NEO1: variants seen among roughly 807,000 people sequenced by gnomAD.
The protein encoded by NEO1 is neogenin.
Under a neutral mutation model 159.7 loss-of-function variants are expected in NEO1, and 63 were observed. The observed-to-expected ratio is 0.39, with a 90% CI of 0.32 to 0.49. NEO1 has a LOEUF of 0.49. Among genes scored for constraint, NEO1 ranks in the 20% least tolerant of loss-of-function variants. NEO1 has a pLI of 0.85. For missense variants in NEO1, 1,615 were observed against 1,831.0 expected (o/e 0.88, Z 2.15); for synonymous variants, 633 against 662.0 (o/e 0.96, Z 0.67).
At chr15:73,191,940 A>G (rs1596307506) in intron 7 of NEO1, among the ~76,000 whole-genome samples, 1 of 152,142 alleles carries the variant, frequency 6.6e-6, no homozygotes, top group East Asian at 1.9e-4. Context: ...TTGTTGAGCA[A>G]AATTCTATAT....
chr15:73,090,955 G>T (rs982319430), intron 1 of NEO1, among the ~76,000 whole-genome samples: 1 of 152,108 alleles, frequency 6.6e-6, no homozygotes, highest in Admixed American at 6.5e-5. Context: ...TTGCGTTATT[G>T]AGGCAGTTAC....
chr15:73,080,182 T>C (rs2068968777), intron 1 of NEO1, among the ~76,000 whole-genome samples: 1 of 152,196 alleles, frequency 6.6e-6, no homozygotes. Context: ...TTTTTTCTTC[T>C]CTGTGCTTTG....
chr15:73,179,490 C>T (rs2035476433), intron 7 of NEO1, among the ~76,000 whole-genome samples: 1 of 152,144 alleles, frequency 6.6e-6, no homozygotes, highest in East Asian at 1.9e-4. Flanking sequence ...ACAAAACCAC[C>T]CAGTGGATCA....
rs1366821292 is a variant in NEO1, at chr15:73,197,861, A to G, written c.1291+19434A>G. ...ATGCCTGGCTAATTTTTGTATTTTT[A>G]GTAGACACAGGGTTTTACAATGTTG... On this transcript the variant is annotated intron_variant, in intron 7 of 28. Coordinates refer to ENST00000261908, the MANE Select transcript of NEO1 (RefSeq NM_002499.4). 4.0e-5 allele frequency among the ~76,000 whole-genome samples: 6 copies of G among 151,760 alleles called. No homozygotes were observed. The East Asian group carries it at 9.7e-4, about 24-fold the overall frequency.
intron 2 of NEO1, among the ~76,000 whole-genome samples, chr15:73,119,912 G>A (rs1289656520): frequency 6.6e-6 from 1 of 152,142 alleles, no homozygotes; most frequent in African/African-American, 2.4e-5. Context: ...CAAGACGGGC[G>A]GATCACCTGA....
intron 7 of NEO1, among the ~76,000 whole-genome samples, chr15:73,206,382 C>T (rs553676259): frequency 4.1e-4 from 63 of 152,218 alleles, no homozygotes; most frequent in African/African-American, 1.3e-3. Context: ...GCTTTCTATA[C>T]ATATTTGCCT....
At chr15:73,204,054 A>G (rs1418361809) in intron 7 of NEO1, among the ~76,000 whole-genome samples, 1 of 151,818 alleles carries the variant, frequency 6.6e-6, no homozygotes, top group Non-Finnish European at 1.5e-5. Context: ...TTTGTCTGAG[A>G]AAGTTTTTAT....
intron 25 of NEO1, among the ~76,000 whole-genome samples, chr15:73,290,353 G>A (rs568669602): frequency 1.4e-5 from 2 of 143,654 alleles, no homozygotes; most frequent in East Asian, 4.3e-4. Flanking sequence ...CAATTCTCCT[G>A]CCTCGGCCTC....
At chr15:73,053,550 T>A (rs994701412) in intron 1 of NEO1, among the ~76,000 whole-genome samples, 1 of 152,226 alleles carries the variant, frequency 6.6e-6, no homozygotes, top group African/African-American at 2.4e-5. Context: ...TTTAGGTACT[T>A]GTACAATGTT....
At chr15:73,127,649 G>A (rs1367720268) in intron 4 of NEO1, among the ~76,000 whole-genome samples, 2 of 152,178 alleles carry the variant, frequency 1.3e-5, no homozygotes, top group Non-Finnish European at 2.9e-5. Flanking sequence ...AGCCACACAT[G>A]TAATTTAAAA....
At chr15:73,290,831 G>A (rs539888065) in intron 25 of NEO1, among the ~76,000 whole-genome samples, 7 of 152,166 alleles carry the variant, frequency 4.6e-5, no homozygotes, top group African/African-American at 1.4e-4. Flanking sequence ...TACATGCAAC[G>A]AGGTACACCA....
intron 7 of NEO1, among the ~76,000 whole-genome samples, chr15:73,233,645 C>T: frequency 6.6e-6 from 1 of 152,028 alleles, no homozygotes; most frequent in East Asian, 1.9e-4. Flanking sequence ...GTGCTGGATG[C>T]CGTTAAAGAG....
intron 7 of NEO1, among the ~76,000 whole-genome samples, chr15:73,193,384 GT>G (rs1045654533): frequency 6.6e-6 from 1 of 151,912 alleles, no homozygotes; most frequent in African/African-American, 2.4e-5. Flanking sequence ...AAAATAACTA[GT>G]TGGCATCAGA....
At chr15:73,204,019 T>A (rs1012499861) in intron 7 of NEO1, among the ~76,000 whole-genome samples, 1 of 152,114 alleles carries the variant, frequency 6.6e-6, no homozygotes, top group Non-Finnish European at 1.5e-5. Context: ...GCAAATTATC[T>A]GCTGATTGAT....
intron 1 of NEO1, among the ~76,000 whole-genome samples, chr15:73,067,819 T>A (rs963419531): frequency 1.3e-5 from 2 of 152,030 alleles, no homozygotes; most frequent in African/African-American, 4.8e-5. Context: ...GGTTTCACTG[T>A]GTTAGCTAGG....
At chr15:73,206,801 G>A (rs1004842584) in intron 7 of NEO1, among the ~76,000 whole-genome samples, 5 of 150,822 alleles carry the variant, frequency 3.3e-5, no homozygotes, top group African/African-American at 1.2e-4. Context: ...TTTTAAGAAT[G>A]GCATTTTCTT....
chr15:73,069,125 A>ATTTTTTTTTTT (rs962027800), intron 1 of NEO1, among the ~76,000 whole-genome samples: 13 of 105,418 alleles, frequency 1.2e-4, no homozygotes, highest in South Asian at 2.7e-4. Flanking sequence ...TAATTTTTGT[A>ATTTTTTTTTTT]TTTTTTTTTT....
At chr15:73,250,912 A>G (rs1209785030) in intron 11 of NEO1, among the ~76,000 whole-genome samples, 1 of 152,166 alleles carries the variant, frequency 6.6e-6, no homozygotes, top group Non-Finnish European at 1.5e-5. Context: ...ATTAGATAAT[A>G]TTTTTGTGTT....
In NEO1 at chr15:73,257,968, C is replaced by G. The variant is rs548900845; in HGVS notation, c.2093-798C>G. Among the ~76,000 whole-genome samples, 27 of 152,286 alleles carry G rather than the reference C, an allele frequency of 1.8e-4. No individual in the cohort carries two copies. The South Asian group carries it at 4.8e-3, about 27-fold the overall frequency. ...CTTGCTCCTTGCTTTGTGGGGCACA[C>G]AGATGTCAGGATGGGCCTACCAACT... On this transcript the variant is annotated intron_variant, in intron 13 of 28. Coordinates refer to ENST00000261908, the MANE Select transcript of NEO1 (RefSeq NM_002499.4).
Sources: gnomAD v4.1 joint callset for allele counts (sites outside exome capture counted in the v4.1 genomes callset) on GRCh38, gnomAD v4.1.1 for gene constraint, MANE v1.5 for transcripts, NCBI Gene and HGNC (gene_info 2026-07-23, HGNC 2026-07-21) for gene names.